The following PRMT7 variants were observed in gnomAD, a reference collection of about 807,000 sequenced individuals.
PRMT7 encodes the protein protein arginine N-methyltransferase 7.
A neutral mutation model predicts 85.4 loss-of-function variants in PRMT7; 75 were observed. That is an observed-to-expected ratio of 0.88 (90% CI 0.73 to 1.06). PRMT7 has a LOEUF of 1.06. PRMT7 is among the 50% of genes least tolerant of loss of function. PRMT7 has a pLI of 0.00. For synonymous variants in PRMT7, 397 were observed against 359.5 expected (o/e 1.10, Z -1.18); for missense variants, 868 against 915.2 (o/e 0.95, Z 0.67).
chr16:68,337,721 C>T (rs375121335), intron 7 of PRMT7, 150 bp downstream of exon 7: 3 of 444,448 alleles, frequency 6.7e-6, no homozygotes, highest in African/African-American at 2.0e-5. Context: ...CTCTGGTTCT[C>T]CTCACTTAAA....
chr16:68,319,199 G>A (rs1567637023), intron 3 of PRMT7, among the ~76,000 whole-genome samples: 1 of 152,212 alleles, frequency 6.6e-6, no homozygotes. Flanking sequence ...GACAGAATTT[G>A]TAGTTGTTGG....
At chr16:68,323,151 C>A (rs1597179167) in intron 4 of PRMT7, among the ~76,000 whole-genome samples, 1 of 152,196 alleles carries the variant, frequency 6.6e-6, no homozygotes, top group East Asian at 1.9e-4. Context: ...AATTATTTCA[C>A]CCAGACTAAA....
At chr16:68,348,631 C>CTTTTT (rs56041186) in intron 14 of PRMT7, among the ~76,000 whole-genome samples, 200 bp downstream of exon 14, 2 of 67,602 alleles carry the variant, frequency 3.0e-5, no homozygotes, top group African/African-American at 6.5e-5. Context: ...TTGCACTGCT[C>CTTTTT]TTTTTTTTTT....
chr16:68,355,684 G>C (rs1222059204), intron 16 of PRMT7, 39 bp from the exon 17 acceptor site: 2 of 1,482,684 alleles, frequency 1.3e-6, no homozygotes, highest in African/African-American at 2.8e-5. Context: ...CTAGCTGCCG[G>C]CCTGTCTCTG....
chr16:68,335,925 C>G (rs888802053), intron 6 of PRMT7, among the ~76,000 whole-genome samples: 2 of 152,022 alleles, frequency 1.3e-5, no homozygotes, highest in African/African-American at 4.8e-5. Context: ...TACAGGCACC[C>G]ATCACCACGC....
chr16:68,336,115 A>G (rs949896324), intron 6 of PRMT7, among the ~76,000 whole-genome samples: 1 of 152,056 alleles, frequency 6.6e-6, no homozygotes, highest in Non-Finnish European at 1.5e-5. Flanking sequence ...TCCTTGTGTC[A>G]TCTGTGAGAC....
intron 3 of PRMT7, among the ~76,000 whole-genome samples, chr16:68,319,588 A>G (rs1335835737): frequency 1.5e-5 from 2 of 132,406 alleles, no homozygotes; most frequent in African/African-American, 6.8e-5. Flanking sequence ...TTGATGTGCC[A>G]TTAAAAAAAA....
chr16:68,350,175 T>C (rs566579017), intron 14 of PRMT7, among the ~76,000 whole-genome samples: 3 of 152,376 alleles, frequency 2.0e-5, no homozygotes, highest in Admixed American at 2.0e-4. Flanking sequence ...CATGTGCTTA[T>C]GGACGTTTGG....
In PRMT7 at chr16:68,348,333, C is replaced by T. The variant is rs756563609; in HGVS notation, c.1324-9C>T. 1.3e-6 allele frequency: 2 copies of T among 1,581,376 alleles called. No homozygotes were observed. Among genetic ancestry groups the T allele is most frequent in the East Asian group, 2.2e-5 (1 of 44,630 alleles). On this transcript the variant is annotated splice_polypyrimidine_tract_variant and intron_variant, in intron 13 of 18. Coordinates refer to ENST00000441236, the MANE Select transcript of PRMT7 (RefSeq NM_019023.5). ...ATGAATACAGTAATTTTACGGTTTT[C>T]TTTCTAAGATCTTCAAGGCTAACCA...
chr16:68,336,525 C>T lies in PRMT7; in HGVS notation c.392-934C>T, dbSNP rs562819456. 9.2e-5 allele frequency among the ~76,000 whole-genome samples: 14 copies of T among 152,286 alleles called. 1 individual carries two copies. In the South Asian group the frequency reaches 2.9e-3, roughly 32 times the overall value. ...AACCTTGTTGTCTTGCTTTGGCTTT[C>T]CCTCCCTCTCCCTGCAACCTAGAAG... is the stretch of plus-strand genomic sequence containing the variant. On this transcript the variant is annotated intron_variant, in intron 6 of 18. Transcript: ENST00000441236.
At position 68,355,766 on chromosome 16, in the gene PRMT7, C is replaced by A. The variant is rs759256772; in HGVS notation, c.1694C>A (p.Pro565Gln). 1 of 1,610,554 alleles carries A rather than the reference C, an allele frequency of 6.2e-7. No homozygotes were observed. Among genetic ancestry groups the A allele is most frequent in the South Asian group, 1.1e-5 (1 of 90,712 alleles). Residue 565 changes from proline (P) to glutamine (Q), a missense_variant, in exon 17 of 19, where the codon CCG becomes CAG. Coordinates refer to ENST00000441236, the MANE Select transcript of PRMT7 (RefSeq NM_019023.5). ...FRESREAEPH[P>Q]LWEYPCRSLS... is the part of the protein sequence containing the mutation. ...GAGAGCAGGGAAGCTGAGCCCCACC[C>A]GCTGTGGGAGTACCCATGCCGCAGC... is the stretch of plus-strand genomic sequence containing the variant.
At chr16:68,336,407 G>A (rs2084700969) in intron 6 of PRMT7, among the ~76,000 whole-genome samples, 1 of 152,160 alleles carries the variant, frequency 6.6e-6, no homozygotes, top group African/African-American at 2.4e-5. Context: ...CTTTCATTAA[G>A]GGAATTTGCC....
intron 12 of PRMT7, 78 bp from the exon 13 acceptor site, chr16:68,347,553 G>C (rs1269110364): frequency 2.0e-6 from 3 of 1,476,586 alleles, no homozygotes; most frequent in Non-Finnish European, 1.9e-6. Context: ...TCTTAGGATG[G>C]TCTTGTCGCA....
chr16:68,331,759 C>CCGCT (rs2083941873), intron 6 of PRMT7, among the ~76,000 whole-genome samples: 1 of 152,224 alleles, frequency 6.6e-6, no homozygotes. Flanking sequence ...CAGGCGTGGG[C>CCGCT]CGCTGTGCCT....
chr16:68,341,183 A>G (rs986504820), intron 9 of PRMT7, among the ~76,000 whole-genome samples: 4 of 152,116 alleles, frequency 2.6e-5, no homozygotes, highest in African/African-American at 9.7e-5. Flanking sequence ...TGTGTTATTT[A>G]CACCCCCATC....
chr16:68,315,112 T>TAA (rs546048316), intron 2 of PRMT7: 16 of 137,730 alleles, frequency 1.2e-4, no homozygotes, highest in African/African-American at 2.9e-4. Context: ...CCCCATCTTT[T>TAA]AAAAAAAAAA....
chr16:68,324,484 G>C (rs1050155397), intron 4 of PRMT7, 199 bp from the exon 5 acceptor site: 1 of 606,400 alleles, frequency 1.6e-6, no homozygotes, highest in Non-Finnish European at 2.9e-6. Context: ...GTGTGGAGCA[G>C]GGACAGTCGC....
chr16:68,313,792 T>A (rs1034311042), intron 2 of PRMT7, among the ~76,000 whole-genome samples: 1 of 152,226 alleles, frequency 6.6e-6, no homozygotes, highest in Admixed American at 6.5e-5. Context: ...AAAGTGCAGC[T>A]GGGTGCCGTG....
intron 2 of PRMT7, among the ~76,000 whole-genome samples, chr16:68,314,918 T>A (rs1432524382): frequency 6.6e-6 from 1 of 152,078 alleles, no homozygotes; most frequent in Non-Finnish European, 1.5e-5. Flanking sequence ...TTTTTAAAAA[T>A]TGCTTTTAAA....
Sources: gnomAD v4.1 joint callset for allele counts (sites outside exome capture counted in the v4.1 genomes callset) on GRCh38, gnomAD v4.1.1 for gene constraint, MANE v1.5 for transcripts, NCBI Gene and HGNC (gene_info 2026-07-23, HGNC 2026-07-21) for gene names.